Variants in MSRB3 observed in about 807,000 individuals in gnomAD.
The protein encoded by MSRB3 is methionine-R-sulfoxide reductase B3.
Under a neutral mutation model 21.0 loss-of-function variants are expected in MSRB3, and 13 were observed. The ratio of observed to expected loss-of-function variants is 0.62; its 90% CI spans 0.40 to 0.98. MSRB3 has a LOEUF of 0.98. MSRB3 is among the 50% of genes least tolerant of loss of function. The pLI, the probability that MSRB3 is intolerant of heterozygous loss-of-function variation, is 0.00. For synonymous variants in MSRB3, 87 were observed against 88.6 expected (o/e 0.98, Z 0.10); for missense variants, 199 against 230.3 (o/e 0.86, Z 0.88).
At chr12:65,445,650 T>A (rs1045574267) in intron 5 of MSRB3, among the ~76,000 whole-genome samples, 2 of 17,064 alleles carry the variant, frequency 1.2e-4, no homozygotes, top group Non-Finnish European at 3.0e-4. Context: ...ATATATATAA[T>A]TTTTTTTTTT....
At chr12:65,459,391 TAC>T (rs990181854) in intron 6 of MSRB3, among the ~76,000 whole-genome samples, 3 of 152,192 alleles carry the variant, frequency 2.0e-5, no homozygotes, top group Non-Finnish European at 4.4e-5. Flanking sequence ...ACACATGTGT[TAC>T]AATAGGGCTT....
intron 5 of MSRB3, among the ~76,000 whole-genome samples, chr12:65,374,980 G>T: frequency 6.6e-6 from 1 of 150,936 alleles, no homozygotes; most frequent in Middle Eastern, 3.2e-3. Flanking sequence ...CTCTCGAGTA[G>T]CCGGGACTAC....
Position 65,308,512 on chromosome 12 carries a change from T to G in MSRB3, c.-51-17T>G. 1 of 1,613,112 alleles carries G rather than the reference T, an allele frequency of 6.2e-7. No individual in the cohort carries two copies. The highest frequency in any genetic ancestry group is 8.5e-7 in the Non-Finnish European group (1 of 1,179,568). ...TGTTTTAATTTGATTTTTGTTTTTG[T>G]TTTTTCTCCTACTCAGCTCTTGCCC... On this transcript the variant is annotated splice_polypyrimidine_tract_variant and intron_variant, in intron 1 of 6. Coordinates refer to ENST00000308259, the MANE Select transcript of MSRB3 (RefSeq NM_001031679.3).
At chr12:65,438,963 T>C (rs1316036330) in intron 5 of MSRB3, among the ~76,000 whole-genome samples, 1 of 151,860 alleles carries the variant, frequency 6.6e-6, no homozygotes, top group Non-Finnish European at 1.5e-5. Flanking sequence ...AATAGGTATG[T>C]CTCTTGTTAA....
chr12:65,369,034 T>A lies in MSRB3; in HGVS notation c.292+8T>A. The A allele has an allele frequency of 6.4e-7, 1 of 1,571,932 alleles. No homozygotes were observed. The highest frequency in any genetic ancestry group is 1.1e-5 in the South Asian group (1 of 89,966). On this transcript the variant is annotated splice_region_variant and intron_variant, in intron 5 of 6. Coordinates refer to ENST00000308259, the MANE Select transcript of MSRB3 (RefSeq NM_001031679.3). The stretch of plus-strand genomic sequence containing the variant: ...AATTTGACTCCGGTTCAGGTATGTT[T>A]ACATTAATAATGCTCTTCTGAATAT...
intron 1 of MSRB3, 94 bp from the exon 2 acceptor site, chr12:65,308,435 C>A: frequency 6.7e-7 from 1 of 1,497,404 alleles, no homozygotes; most frequent in Non-Finnish European, 9.0e-7. Context: ...TGTTCAGTTC[C>A]AGATAAAACT....
chr12:65,381,965 T>C (rs1053199575), intron 5 of MSRB3, among the ~76,000 whole-genome samples: 9 of 152,086 alleles, frequency 5.9e-5, no homozygotes, highest in Non-Finnish European at 1.3e-4. Context: ...TAATTGACAT[T>C]ATATTTTCAC....
intron 2 of MSRB3, among the ~76,000 whole-genome samples, chr12:65,318,845 A>G (rs902644958): frequency 6.6e-6 from 1 of 152,096 alleles, no homozygotes; most frequent in Admixed American, 6.6e-5. Flanking sequence ...TAGTTTTTTT[A>G]TGGTGCTTAA....
chr12:65,300,541 G>A (rs1873259810), intron 1 of MSRB3, among the ~76,000 whole-genome samples: 2 of 152,194 alleles, frequency 1.3e-5, no homozygotes, highest in South Asian at 2.1e-4. Flanking sequence ...GAGGAGTTTG[G>A]AATGTAGTAG....
intron 2 of MSRB3, among the ~76,000 whole-genome samples, chr12:65,316,600 A>T (rs1267119496): frequency 2.0e-5 from 3 of 152,198 alleles, no homozygotes; most frequent in African/African-American, 7.2e-5. Flanking sequence ...AATAAGTAAC[A>T]TCATCTTATA....
At chr12:65,381,682 A>G (rs2136559330) in intron 5 of MSRB3, among the ~76,000 whole-genome samples, 1 of 152,180 alleles carries the variant, frequency 6.6e-6, no homozygotes, top group East Asian at 1.9e-4. Context: ...AGAACATTTT[A>G]TAAGAGGTTC....
At chr12:65,436,095 T>C (rs1163733609) in intron 5 of MSRB3, among the ~76,000 whole-genome samples, 1 of 151,610 alleles carries the variant, frequency 6.6e-6, no homozygotes, top group African/African-American at 2.4e-5. Context: ...AGATAAGGAG[T>C]TCTTAACCTG....
chr12:65,426,141 T>A (rs1447742995), intron 5 of MSRB3, among the ~76,000 whole-genome samples: 1 of 152,152 alleles, frequency 6.6e-6, no homozygotes, highest in East Asian at 1.9e-4. Flanking sequence ...GGATTACAGG[T>A]GTGAGCCACT....
At chr12:65,368,044 T>G (rs911894117) in intron 4 of MSRB3, among the ~76,000 whole-genome samples, 1 of 152,156 alleles carries the variant, frequency 6.6e-6, no homozygotes, top group Non-Finnish European at 1.5e-5. Context: ...TTTCCTCCTT[T>G]GATGACTTTT....
At position 65,397,720 on chromosome 12, in the gene MSRB3, T is replaced by C. The variant is rs192841267; in HGVS notation, c.292+28694T>C. ...GTTTGCTGCACCCATCAACCCATTATCTACATTAGGTATTTCTCCTGATGC... is the reference window on the plus strand; with the variant it reads ...GTTTGCTGCACCCATCAACCCATTACCTACATTAGGTATTTCTCCTGATGC... On this transcript the variant is annotated intron_variant, in intron 5 of 6. Transcript: ENST00000308259. 3.3e-3 allele frequency among the ~76,000 whole-genome samples: 501 copies of C among 152,280 alleles called. 5 individuals are homozygous for C. Among genetic ancestry groups the C allele is most frequent in the African/African-American group, 0.011 (465 of 41,550 alleles).
chr12:65,287,482 G>A (rs1242846030), intron 1 of MSRB3, among the ~76,000 whole-genome samples: 1 of 152,232 alleles, frequency 6.6e-6, no homozygotes, highest in East Asian at 1.9e-4. Context: ...TTTGGTTGGG[G>A]TTGAGAGAGA....
chr12:65,458,147 T>G (rs1010372548), intron 6 of MSRB3, among the ~76,000 whole-genome samples: 4 of 152,224 alleles, frequency 2.6e-5, no homozygotes, highest in African/African-American at 9.6e-5. Context: ...GAACTGAGCC[T>G]TCATGGACAA....
intron 2 of MSRB3, among the ~76,000 whole-genome samples, chr12:65,315,672 TCAA>T (rs1319046455): frequency 4.8e-5 from 1 of 21,024 alleles, no homozygotes; most frequent in Non-Finnish European, 9.9e-5. Flanking sequence ...TGTCTCCATC[TCAA>T]AAAAAAAAAA....
chr12:65,419,300 TG>T, intron 5 of MSRB3: 2 of 751,956 alleles, frequency 2.7e-6, no homozygotes, highest in Non-Finnish European at 2.4e-6. Context: ...TCCTGAGATT[TG>T]GGGGCATCTA....
Sources: gnomAD v4.1 joint callset for allele counts (sites outside exome capture counted in the v4.1 genomes callset) on GRCh38, gnomAD v4.1.1 for gene constraint, MANE v1.5 for transcripts, NCBI Gene and HGNC (gene_info 2026-07-23, HGNC 2026-07-21) for gene names.